SHMT2: variants seen among roughly 807,000 people sequenced by gnomAD.
SHMT2 encodes the protein serine hydroxymethyltransferase, mitochondrial.
Under a neutral mutation model 59.6 loss-of-function variants are expected in SHMT2, and 38 were observed. The ratio of observed to expected loss-of-function variants is 0.64; its 90% CI spans 0.49 to 0.84. The LOEUF (loss-of-function observed/expected upper bound fraction) is 0.84. Among genes scored for constraint, SHMT2 ranks in the 40% least tolerant of loss-of-function variants. The pLI, the probability that SHMT2 is intolerant of heterozygous loss-of-function variation, is 0.00. For synonymous variants in SHMT2, 254 were observed against 258.1 expected (o/e 0.98, Z 0.15); for missense variants, 533 against 659.5 (o/e 0.81, Z 2.10).
chr12:57,233,237 G>A lies in SHMT2; in HGVS notation c.915G>A (p.Arg305=). Residue 305 remains arginine, a synonymous_variant, in exon 8 of 12, where the codon CGG becomes CGA. Transcript: ENST00000328923. ...AGGCTGTGGACCCCAAGACTGGCCGGGAGATCCCTTACACATTTGAGGACC... is the reference window on the plus strand; with the variant it reads ...AGGCTGTGGACCCCAAGACTGGCCGAGAGATCCCTTACACATTTGAGGACC... ...GVKAVDPKTG[R]EIPYTFEDRI... 6.2e-7 allele frequency: 1 copy of A among 1,607,194 alleles called. No homozygotes were observed. The highest frequency in any genetic ancestry group is 2.2e-5 in the East Asian group (1 of 44,738).
chr12:57,232,615 G>T, intron 6 of SHMT2, 40 bp downstream of exon 6: 1 of 1,613,434 alleles, frequency 6.2e-7, no homozygotes, highest in African/African-American at 1.3e-5. Flanking sequence ...CTCCCCAGGG[G>T]GTGGTGAGGA....
chr12:57,232,010 C>A, intron 4 of SHMT2, 97 bp downstream of exon 4: 1 of 1,351,276 alleles, frequency 7.4e-7, no homozygotes, highest in Non-Finnish European at 1.0e-6. Context: ...ACAGATGGAA[C>A]AGGCCTTGCC....
chr12:57,230,996 C>T lies in SHMT2; in HGVS notation c.227C>T (p.Ser76Leu). The T allele has an allele frequency of 6.2e-7, 1 of 1,613,322 alleles. No homozygotes were observed. The highest frequency in any genetic ancestry group is 8.5e-7 in the Non-Finnish European group (1 of 1,179,994). Residue 76 changes from serine to leucine, a missense_variant, in exon 2 of 12, where the codon TCA becomes TTA. Transcript: ENST00000328923. ...RQCRGLELIA[S>L]ENFCSRAALE... ...TGTCGTGGCCTGGAGCTCATTGCCT[C>T]AGAGGTGGGACCTGGGGAGATGGGC...
At position 57,229,914 on chromosome 12, in the gene SHMT2, C is replaced by A; in HGVS notation, c.33+103C>A. The A allele has an allele frequency of 3.2e-6, 5 of 1,543,656 alleles. No homozygotes were observed. The South Asian group carries it at 4.8e-5, about 15-fold the overall frequency. On this transcript the variant is annotated intron_variant, in intron 1 of 11. Coordinates refer to ENST00000328923, the MANE Select transcript of SHMT2 (RefSeq NM_005412.6). ...CTGGGGTTCTCTTGGCTTTTCCATGCACGTGGATTGGGGCCTCAGGGAGCG... is the reference window on the plus strand; with the variant it reads ...CTGGGGTTCTCTTGGCTTTTCCATGAACGTGGATTGGGGCCTCAGGGAGCG...
chr12:57,232,806 G>A lies in SHMT2; in HGVS notation c.820G>A (p.Val274Ile), dbSNP rs151127748. The change falls in exon 7 of 12, where the codon GTC becomes ATC. Residue 274 changes from valine (V) to isoleucine (I), a missense_variant. Transcript: ENST00000328923. ...CTCGCCTTTCAAGCACGCGGACATC[G>A]TCACCACCACTACTCACAAGACTCT... Reference protein sequence around the residue: ...IPSPFKHADIVTTTTHKTLRG... With the variant: ...IPSPFKHADIITTTTHKTLRG... The A allele has an allele frequency of 3.3e-4, 532 of 1,613,444 alleles. 1 individual carries two copies. In the African/African-American group the frequency reaches 5.6e-3, roughly 17 times the overall value.
chr12:57,232,478 A>G lies in SHMT2; in HGVS notation c.620A>G (p.Asn207Ser), dbSNP rs754320831. The change falls in exon 6 of 12, where the codon AAC becomes AGC. Residue 207 changes from asparagine (N) to serine (S), a missense_variant. Transcript: ENST00000328923. ...LNPKTGLIDY[N>S]QLALTARLFR... The stretch of plus-strand genomic sequence containing the variant: ...CCCAAAACTGGCCTCATTGACTACA[A>G]CCAGCTGGCACTGACTGCTCGACTT... 12 of 1,614,146 alleles carry G rather than the reference A, an allele frequency of 7.4e-6. No individual in the cohort carries two copies. Among genetic ancestry groups the G allele is most frequent in the Admixed American group, 1.7e-5 (1 of 60,018 alleles).
In SHMT2 at chr12:57,232,696, C is replaced by T; in HGVS notation, c.718-8C>T. The T allele has an allele frequency of 9.3e-6, 15 of 1,607,052 alleles. No individual in the cohort carries two copies. The highest frequency in any genetic ancestry group is 2.2e-5 in the East Asian group (1 of 44,646). On this transcript the variant is annotated splice_region_variant and splice_polypyrimidine_tract_variant and intron_variant, in intron 6 of 11. Transcript: ENST00000328923. ...CCAGGCTGAGGCCTTGCCTCTGTACCTGCCCAGGTGTGTGATGAAGTCAAA... is the reference window on the plus strand; with the variant it reads ...CCAGGCTGAGGCCTTGCCTCTGTACTTGCCCAGGTGTGTGATGAAGTCAAA...
rs757310852 is a variant in SHMT2, at chr12:57,232,521, C to G, written c.663C>G (p.Ile221Met). The G allele has an allele frequency of 6.2e-7, 1 of 1,614,238 alleles. No individual in the cohort carries two copies. Among genetic ancestry groups the G allele is most frequent in the Non-Finnish European group, 8.5e-7 (1 of 1,180,034 alleles). Residue 221 changes from isoleucine (I) to methionine (M), a missense_variant, in exon 6 of 12, where the codon ATC (isoleucine) becomes ATG (methionine). Transcript: ENST00000328923. Reference protein sequence around the residue: ...LTARLFRPRLIIAGTSAYARL... With the variant: ...LTARLFRPRLMIAGTSAYARL... ...CTCGACTTTTCCGGCCACGGCTCAT[C>G]ATAGCTGGCACCAGCGCCTATGCTC...
At chr12:57,231,455 TC>T in intron 2 of SHMT2, 25 bp from the exon 3 acceptor site, 1 of 1,611,214 alleles carries the variant, frequency 6.2e-7, no homozygotes, top group South Asian at 1.1e-5. Context: ...CTCAATACCT[TC>T]TGACATTGCC....
rs2037440310 is a variant in SHMT2, at chr12:57,233,917, G to A, written c.1279+13G>A. 1 of 1,614,232 alleles carries A rather than the reference G, an allele frequency of 6.2e-7. No homozygotes were observed. Among genetic ancestry groups the A allele is most frequent in the East Asian group, 2.2e-5 (1 of 44,886 alleles). On this transcript the variant is annotated intron_variant, in intron 10 of 11. Coordinates refer to ENST00000328923, the MANE Select transcript of SHMT2 (RefSeq NM_005412.6). Reference sequence around the variant, plus strand: ...GGCCTGCGGCTTGGTGAGACCTGGGGTTTGAGGAGGGAAGGGGCTCCCATG... The same window carrying A: ...GGCCTGCGGCTTGGTGAGACCTGGGATTTGAGGAGGGAAGGGGCTCCCATG...
In SHMT2 at chr12:57,231,309, A is replaced by C. The variant is rs902900701; in HGVS notation, c.232-172A>C. On this transcript the variant is annotated intron_variant, in intron 2 of 11. Coordinates refer to ENST00000328923, the MANE Select transcript of SHMT2 (RefSeq NM_005412.6). Reference sequence around the variant, plus strand: ...GCATTGAGGGGCCACTGCTCATGGCAGATGGGTTTCTGAGAATGCTGCCTC... The same window carrying C: ...GCATTGAGGGGCCACTGCTCATGGCCGATGGGTTTCTGAGAATGCTGCCTC... 1.6e-5 allele frequency: 11 copies of C among 697,618 alleles called. No individual in the cohort carries two copies. In the African/African-American group the frequency reaches 1.8e-4, roughly 11 times the overall value. 43.2% of individuals were successfully genotyped at this position (697,618 alleles called of 1,614,324 possible).
Position 57,232,304 on chromosome 12 carries a change from A to T in SHMT2, c.594+12A>T. 6.2e-7 allele frequency: 1 copy of T among 1,613,652 alleles called. No homozygotes were observed. Among genetic ancestry groups the T allele is most frequent in the Non-Finnish European group, 8.5e-7 (1 of 1,179,618 alleles). Reference sequence around the variant, plus strand: ...CCTATAAGCTCAACGTGAGTGCTCTAGGGTGTGGGGAGGGGCTCTTGGCCC... The same window carrying T: ...CCTATAAGCTCAACGTGAGTGCTCTTGGGTGTGGGGAGGGGCTCTTGGCCC... On this transcript the variant is annotated intron_variant, in intron 5 of 11. Transcript: ENST00000328923.
intron 8 of SHMT2, 94 bp downstream of exon 8, chr12:57,233,439 G>A: frequency 6.6e-7 from 1 of 1,509,026 alleles, no homozygotes; most frequent in South Asian, 1.3e-5. Context: ...TGATGGAAGG[G>A]AAATGCCAGG....
chr12:57,234,591 A>C lies in SHMT2; in HGVS notation c.*230A>C. 5.1e-6 allele frequency: 2 copies of C among 391,868 alleles called. No homozygotes were observed. Among genetic ancestry groups the C allele is most frequent in the Non-Finnish European group, 9.0e-6 (2 of 223,336 alleles). The allele number at this position is 391,868 out of a possible 1,614,324, so 24.3% of individuals were successfully genotyped here. ...GAGGGCCCAGGCACTTTCTGTTTGA[A>C]CCCCTGTCATGATCACAGTGTCAGA... On this transcript the variant is annotated 3_prime_UTR_variant, in exon 12 of 12. Transcript: ENST00000328923.
chr12:57,232,383 T>G, intron 5 of SHMT2, 70 bp from the exon 6 acceptor site: 1 of 1,613,534 alleles, frequency 6.2e-7, no homozygotes, highest in East Asian at 2.2e-5. Flanking sequence ...GGGCCGTCCT[T>G]AGGGTTAAGG....
chr12:57,230,702 C>T, intron 1 of SHMT2, 101 bp from the exon 2 acceptor site: 1 of 1,502,958 alleles, frequency 6.7e-7, no homozygotes. Context: ...GCTGGCTGGA[C>T]AACTGGCAGC....
At position 57,233,672 on chromosome 12, in the gene SHMT2, C is replaced by A; in HGVS notation, c.1123+10C>A. ...TACTCACTGGTATCAGGTAAGCCAG[C>A]AGGTGATGGGTGAGGGCCTCTGTAG... On this transcript the variant is annotated intron_variant, in intron 9 of 11. Transcript: ENST00000328923. 1.2e-6 allele frequency: 2 copies of A among 1,613,534 alleles called. No individual in the cohort carries two copies. The highest frequency in any genetic ancestry group is 4.5e-5 in the East Asian group (2 of 44,874).
rs759068953 is a variant in SHMT2, at chr12:57,234,113, G to A, written c.1387+3G>A. ...CTTAGAGGTGAAGAGCAAGACTGGT[G>A]AGTGAGCAAGAAGGAGCCCCGGGCC... On this transcript the variant is annotated splice_donor_region_variant and intron_variant, in intron 11 of 11. Transcript: ENST00000328923. 4.3e-6 allele frequency: 7 copies of A among 1,613,926 alleles called. No homozygotes were observed. The South Asian group carries it at 6.6e-5, about 15-fold the overall frequency.
At chr12:57,232,968 T>G (rs2037389541) in intron 7 of SHMT2, 125 bp downstream of exon 7, 1 of 1,381,352 alleles carries the variant, frequency 7.2e-7, no homozygotes, top group East Asian at 2.4e-5. Flanking sequence ...GCCCAGTCTG[T>G]GAGAGTTCTC....
Sources: gnomAD v4.1 joint callset for allele counts on GRCh38, gnomAD v4.1.1 for gene constraint, MANE v1.5 for transcripts, NCBI Gene and HGNC (gene_info 2026-07-23, HGNC 2026-07-21) for gene names.